ZDHHC14: variants seen among roughly 807,000 people sequenced by gnomAD.
The protein encoded by ZDHHC14 is palmitoyltransferase ZDHHC14.
A neutral mutation model predicts 47.7 loss-of-function variants in ZDHHC14; 16 were observed. The observed-to-expected ratio is 0.34, with a 90% CI of 0.23 to 0.51. The LOEUF (loss-of-function observed/expected upper bound fraction) is 0.51, where lower values mean the gene tolerates loss of function less well. Ranked by LOEUF, ZDHHC14 falls within the 20% of genes least tolerant of loss-of-function variation. The pLI, the probability that ZDHHC14 is intolerant of heterozygous loss-of-function variation, is 0.97. For missense variants in ZDHHC14, 515 were observed against 662.5 expected (o/e 0.78, Z 2.44); for synonymous variants, 293 against 278.9 (o/e 1.05, Z -0.50).
chr6:157,530,101 G>A (rs1379040203), intron 1 of ZDHHC14, among the ~76,000 whole-genome samples: 1 of 152,186 alleles, frequency 6.6e-6, no homozygotes, highest in African/African-American at 2.4e-5. Context: ...TTTGCTCCCT[G>A]CAGTCTTACT....
intron 3 of ZDHHC14, among the ~76,000 whole-genome samples, chr6:157,627,881 G>C (rs1229506988): frequency 2.0e-5 from 3 of 152,218 alleles, no homozygotes; most frequent in African/African-American, 4.8e-5. Context: ...TTGTCCCTCT[G>C]TCCTGTCCCA....
intron 1 of ZDHHC14, among the ~76,000 whole-genome samples, chr6:157,540,393 A>C (rs1781701345): frequency 6.6e-6 from 1 of 152,212 alleles, no homozygotes. Context: ...AACTTTGAGC[A>C]GGTGGACTTT....
chr6:157,556,922 G>A (rs549595559), intron 2 of ZDHHC14, among the ~76,000 whole-genome samples: 1 of 152,280 alleles, frequency 6.6e-6, no homozygotes, highest in African/African-American at 2.4e-5. Context: ...GGCACTGAGG[G>A]GCTCGGGTTA....
At chr6:157,496,871 C>T (rs540201253) in intron 1 of ZDHHC14, among the ~76,000 whole-genome samples, 109 of 152,372 alleles carry the variant, frequency 7.2e-4, no homozygotes, top group Middle Eastern at 3.4e-3. Flanking sequence ...CTTCCTTTGA[C>T]ACAGGTCTTG....
At chr6:157,496,245 G>A (rs1242282629) in intron 1 of ZDHHC14, among the ~76,000 whole-genome samples, 2 of 152,126 alleles carry the variant, frequency 1.3e-5, no homozygotes, top group African/African-American at 2.4e-5. Context: ...GTGAAGCACG[G>A]TGGTCCCACC....
intron 8 of ZDHHC14, among the ~76,000 whole-genome samples, chr6:157,664,205 C>G (rs1317002578): frequency 6.6e-6 from 1 of 152,208 alleles, no homozygotes; most frequent in Non-Finnish European, 1.5e-5. Context: ...CTTTGGATCT[C>G]TCTTCATGTT....
intron 4 of ZDHHC14, chr6:157,630,648 A>C (rs1583043722): frequency 6.9e-6 from 1 of 144,594 alleles, no homozygotes; most frequent in South Asian, 2.3e-4. Context: ...ACCCTTACAC[A>C]CCCACACTCA....
intron 2 of ZDHHC14, among the ~76,000 whole-genome samples, chr6:157,584,303 T>G (rs1783613954): frequency 1.3e-5 from 2 of 152,256 alleles, no homozygotes; most frequent in African/African-American, 4.8e-5. Context: ...CTCTGGTGGC[T>G]GTGGTGTGCT....
rs563264197 is a variant in ZDHHC14, at chr6:157,475,381, A to AT, written c.246-67195dup. Among the ~76,000 whole-genome samples the AT allele has an allele frequency of 5.8e-3, 880 of 151,032 alleles. 9 individuals are homozygous for AT. Among genetic ancestry groups the AT allele is most frequent in the African/African-American group, 0.02 (825 of 41,164 alleles). The stretch of plus-strand genomic sequence containing the variant: ...TTTGTGGTTCCATATGGATCTTAGG[A>AT]TTTTTTTTTCTGTGAAAAATATCAT... On this transcript the variant is annotated intron_variant, in intron 1 of 8. Transcript: ENST00000359775.
At chr6:157,507,886 T>C (rs1435618243) in intron 1 of ZDHHC14, among the ~76,000 whole-genome samples, 1 of 152,230 alleles carries the variant, frequency 6.6e-6, no homozygotes, top group African/African-American at 2.4e-5. Context: ...CCCTGTGACA[T>C]CTTAAGGAAG....
chr6:157,590,187 G>T lies in ZDHHC14; in HGVS notation c.407-2801G>T, dbSNP rs146698086. Among the ~76,000 whole-genome samples, 240 of 152,238 alleles carry T rather than the reference G, an allele frequency of 1.6e-3. 1 individual carries two copies. The highest frequency in any genetic ancestry group is 5.7e-3 in the African/African-American group (235 of 41,532). ...TGTAGCCAGATCATGCAGCAGAAAA[G>T]AAAAACCCATTTTCTGGGGAGAAAT... On this transcript the variant is annotated intron_variant, in intron 2 of 8. Transcript: ENST00000359775.
chr6:157,517,376 G>A (rs111373124), intron 1 of ZDHHC14, among the ~76,000 whole-genome samples: 17 of 150,854 alleles, frequency 1.1e-4, no homozygotes, highest in East Asian at 3.9e-4. Flanking sequence ...GTGCAGTGGC[G>A]CAGTCTCAAC....
intron 7 of ZDHHC14, among the ~76,000 whole-genome samples, chr6:157,651,596 T>C (rs968723383): frequency 2.0e-5 from 3 of 151,148 alleles, no homozygotes; most frequent in African/African-American, 7.3e-5. Context: ...TGAGATGGAG[T>C]CTCACTCTGT....
chr6:157,459,021 G>T (rs1402575289), intron 1 of ZDHHC14, among the ~76,000 whole-genome samples: 6 of 151,536 alleles, frequency 4.0e-5, no homozygotes, highest in Admixed American at 3.9e-4. Context: ...GGGTAATTTT[G>T]TATTTTTATT....
chr6:157,633,186 G>C (rs1015381234), intron 5 of ZDHHC14, among the ~76,000 whole-genome samples: 2 of 152,178 alleles, frequency 1.3e-5, no homozygotes, highest in Admixed American at 6.5e-5. Context: ...AGCTGCAACT[G>C]ATCTCATTTT....
intron 3 of ZDHHC14, among the ~76,000 whole-genome samples, chr6:157,616,827 G>C (rs1394155383): frequency 1.3e-5 from 2 of 152,166 alleles, no homozygotes; most frequent in African/African-American, 4.8e-5. Context: ...GAGTCACTTT[G>C]CTTCTGTTCC....
intron 2 of ZDHHC14, among the ~76,000 whole-genome samples, chr6:157,581,363 T>C (rs1783515968): frequency 6.6e-6 from 1 of 152,092 alleles, no homozygotes; most frequent in South Asian, 2.1e-4. Context: ...TAAGAGTACG[T>C]GCTATGTGGC....
chr6:157,561,588 G>C (rs956849422), intron 2 of ZDHHC14, among the ~76,000 whole-genome samples: 4 of 152,138 alleles, frequency 2.6e-5, no homozygotes, highest in African/African-American at 9.7e-5. Context: ...TTTATAATTA[G>C]GAAACAGAAA....
At chr6:157,556,497 G>A (rs1049083484) in intron 2 of ZDHHC14, among the ~76,000 whole-genome samples, 1 of 152,252 alleles carries the variant, frequency 6.6e-6, no homozygotes, top group South Asian at 2.1e-4. Context: ...CTGAGCTCAT[G>A]CCCTCACTGT....
Sources: allele counts gnomAD v4.1 joint callset (sites outside exome capture counted in the v4.1 genomes callset), GRCh38; gene constraint gnomAD v4.1.1; transcripts MANE v1.5; gene names NCBI Gene and HGNC (gene_info 2026-07-23, HGNC 2026-07-21).